COL14A1: variants seen among roughly 807,000 people sequenced by gnomAD.
The protein encoded by COL14A1 is collagen type XIV alpha 1 chain.
A neutral mutation model predicts 230.3 loss-of-function variants in COL14A1; 136 were observed. That is an observed-to-expected ratio of 0.59 (90% CI 0.51 to 0.68). The LOEUF is 0.68. Ranked by LOEUF, COL14A1 falls within the 30% of genes least tolerant of loss-of-function variation. The pLI is 0.00. For synonymous variants in COL14A1, 792 were observed against 784.1 expected, an observed-to-expected ratio of 1.01 and a Z score of -0.17; for missense variants, 1,976 against 2,215.8, an observed-to-expected ratio of 0.89 and a Z score of 2.17.
chr8:120,224,922 G>A (rs960583867), intron 14 of COL14A1, among the ~76,000 whole-genome samples, 166 bp from the exon 15 acceptor site: 2 of 152,104 alleles, frequency 1.3e-5, no homozygotes, highest in Non-Finnish European at 2.9e-5. Context: ...GTAATCTAAG[G>A]GTGTAAGATC....
intron 42 of COL14A1, among the ~76,000 whole-genome samples, chr8:120,334,295 G>A (rs568332498): frequency 9.3e-4 from 141 of 152,210 alleles, no homozygotes; most frequent in African/African-American, 3.3e-3. Context: ...CTTGATTTTA[G>A]CAAACACATC....
chr8:120,340,556 C>A (rs1822258712), intron 42 of COL14A1, among the ~76,000 whole-genome samples: 1 of 152,096 alleles, frequency 6.6e-6, no homozygotes, highest in Non-Finnish European at 1.5e-5. Flanking sequence ...AAATGTTGTT[C>A]AATGAACATT....
intron 2 of COL14A1, 61 bp from the exon 3 acceptor site, chr8:120,158,069 A>T: frequency 1.1e-6 from 1 of 922,754 alleles, no homozygotes; most frequent in Non-Finnish European, 1.7e-6. Context: ...TGACTTTCTG[A>T]TTTAACAAAT....
chr8:120,271,826 G>T (rs925897401), intron 26 of COL14A1, among the ~76,000 whole-genome samples: 1 of 151,408 alleles, frequency 6.6e-6, no homozygotes, highest in African/African-American at 2.4e-5. Flanking sequence ...GGAAGTCACT[G>T]GAAGGTTTTA....
chr8:120,268,165 A>G (rs909651409), intron 25 of COL14A1, among the ~76,000 whole-genome samples: 6 of 151,876 alleles, frequency 4.0e-5, no homozygotes, highest in South Asian at 2.1e-4. Context: ...AGAATACATT[A>G]TATAATAGCA....
intron 19 of COL14A1, among the ~76,000 whole-genome samples, chr8:120,236,607 G>A (rs1818452878): frequency 6.6e-6 from 1 of 152,064 alleles, no homozygotes; most frequent in Admixed American, 6.5e-5. Context: ...GGGGCATTTA[G>A]CCCATTTACA....
intron 45 of COL14A1, among the ~76,000 whole-genome samples, chr8:120,361,059 C>T (rs572491297): frequency 1.3e-5 from 2 of 151,654 alleles, no homozygotes; most frequent in African/African-American, 4.9e-5. Flanking sequence ...GGGCTCCAGT[C>T]ACATTTTTTT....
At position 120,206,968 on chromosome 8, in the gene COL14A1, G is replaced by T. The variant is rs746088351; in HGVS notation, c.1065G>T (p.Pro355=). 3 of 1,611,722 alleles carry T rather than the reference G, an allele frequency of 1.9e-6. No individual in the cohort carries two copies. Among genetic ancestry groups the T allele is most frequent in the Non-Finnish European group, 2.5e-6 (3 of 1,179,292 alleles). The part of the protein sequence containing the change: ...IKASAHAITG[P]PTELITSEVT... ...CCTCAGCCCATGCCATCACTGGGCCGCCTACGGAGTTGATTACTTCTGAAG... is the reference window on the plus strand; with the variant it reads ...CCTCAGCCCATGCCATCACTGGGCCTCCTACGGAGTTGATTACTTCTGAAG... Residue 355 remains proline, a synonymous_variant, in exon 10 of 48, where the codon CCG becomes CCT. Coordinates refer to ENST00000297848, the MANE Select transcript of COL14A1 (RefSeq NM_021110.4).
intron 5 of COL14A1, among the ~76,000 whole-genome samples, chr8:120,187,089 T>C (rs190152408): frequency 6.6e-5 from 10 of 152,288 alleles, no homozygotes; most frequent in Admixed American, 6.5e-4. Context: ...GCAGCAAAAG[T>C]TATCTTCTGT....
chr8:120,185,625 C>T (rs1306976310), intron 5 of COL14A1, among the ~76,000 whole-genome samples: 4 of 152,162 alleles, frequency 2.6e-5, no homozygotes, highest in African/African-American at 9.7e-5. Context: ...TATTGCGCCA[C>T]TGCACTCCAG....
Position 120,270,118 on chromosome 8 carries a change from A to G in COL14A1, c.3157A>G (p.Ser1053Gly). ...AGATGAAAATTTCAATAAGATCATC[A>G]GCTTTCTATACAGCACTGTTGGAGC... ...IGDENFNKII[S>G]FLYSTVGALN... The change falls in exon 26 of 48, where the codon AGC (serine) becomes GGC (glycine). Residue 1053 changes from serine (S) to glycine (G), a missense_variant. Physicochemically the swap from Ser to Gly is moderately conservative, Grantham distance 56 (BLOSUM62 0). Coordinates refer to ENST00000297848, the MANE Select transcript of COL14A1 (RefSeq NM_021110.4). The G allele has an allele frequency of 6.2e-7, 1 of 1,611,652 alleles. No homozygotes were observed. Among genetic ancestry groups the G allele is most frequent in the Non-Finnish European group, 8.5e-7 (1 of 1,178,432 alleles).
rs149082159 is a variant in COL14A1, at chr8:120,326,847, G to A, written c.4660-5294G>A. On this transcript the variant is annotated intron_variant, in intron 40 of 47. Coordinates refer to ENST00000297848, the MANE Select transcript of COL14A1 (RefSeq NM_021110.4). ...TTGAGACCAGCCTGGCCAACATGGC[G>A]AAATCCTGTCTCTACAAAAAATACA... Among the ~76,000 whole-genome samples the A allele has an allele frequency of 3.6e-3, 553 of 152,142 alleles. 12 individuals carry two copies. The highest frequency in any genetic ancestry group is 0.034 in the Admixed American group (518 of 15,282).
intron 14 of COL14A1, among the ~76,000 whole-genome samples, chr8:120,221,592 T>A (rs954877619): frequency 1.4e-5 from 2 of 147,900 alleles, no homozygotes; most frequent in African/African-American, 2.5e-5. Flanking sequence ...ACGTTTCTCC[T>A]TTTAGTCCTT....
chr8:120,258,905 G>T (rs1224430059), intron 23 of COL14A1, among the ~76,000 whole-genome samples: 17 of 152,080 alleles, frequency 1.1e-4, no homozygotes, highest in Non-Finnish European at 2.9e-5. Flanking sequence ...TCAAATTCAT[G>T]CATTTATTAA....
chr8:120,335,459 A>G (rs1822025088), intron 42 of COL14A1, among the ~76,000 whole-genome samples: 1 of 152,124 alleles, frequency 6.6e-6, no homozygotes, highest in Admixed American at 6.6e-5. Flanking sequence ...CTCAAAAGCA[A>G]GTTGCTCTCT....
intron 45 of COL14A1, among the ~76,000 whole-genome samples, chr8:120,363,831 C>G (rs1823313284): frequency 6.6e-6 from 1 of 152,176 alleles, no homozygotes; most frequent in Non-Finnish European, 1.5e-5. Flanking sequence ...AGAATTCATT[C>G]ACTCATTTGT....
At chr8:120,313,452 G>A (rs548672690) in intron 37 of COL14A1, among the ~76,000 whole-genome samples, 8 of 152,270 alleles carry the variant, frequency 5.3e-5, no homozygotes, top group South Asian at 4.2e-4. Context: ...TGGTGGCAGC[G>A]TCAAAGTGAG....
At chr8:120,349,060 C>A (rs1368249833) in intron 45 of COL14A1, among the ~76,000 whole-genome samples, 1 of 152,200 alleles carries the variant, frequency 6.6e-6, no homozygotes, top group Admixed American at 6.5e-5. Flanking sequence ...AGACTGCCTC[C>A]TCAAGTGGGT....
intron 5 of COL14A1, among the ~76,000 whole-genome samples, chr8:120,170,039 A>T (rs1030579873): frequency 6.6e-6 from 1 of 152,058 alleles, no homozygotes; most frequent in African/African-American, 2.4e-5. Flanking sequence ...AACATATTTA[A>T]TTATACAAAG....
Sources: gnomAD v4.1 joint callset for allele counts (sites outside exome capture counted in the v4.1 genomes callset) on GRCh38, gnomAD v4.1.1 for gene constraint, MANE v1.5 for transcripts, NCBI Gene and HGNC (gene_info 2026-07-23, HGNC 2026-07-21) for gene names.